ACSL3: variants seen among roughly 807,000 people sequenced by gnomAD.
ACSL3 encodes the protein acyl-CoA synthetase long chain family member 3.
In ACSL3, 34 loss-of-function variants were observed where a neutral mutation model predicts 84.7. The observed-to-expected ratio is 0.40, with a 90% CI of 0.31 to 0.53. The LOEUF (loss-of-function observed/expected upper bound fraction) is 0.53, where lower values mean the gene tolerates loss of function less well. Among genes scored for constraint, ACSL3 ranks in the 20% least tolerant of loss-of-function variants. The pLI is 0.48. For synonymous variants in ACSL3, 315 were observed against 299.4 expected, an observed-to-expected ratio of 1.05 and a Z score of -0.54; for missense variants, 680 against 873.1, an observed-to-expected ratio of 0.78 and a Z score of 2.79.
At position 222,943,402 on chromosome 2, in the gene ACSL3, GAA is replaced by G. The variant is rs1463880248; in HGVS notation, c.*1749_*1750del. 2 of 181,202 alleles carry G rather than the reference GAA, an allele frequency of 1.1e-5. No homozygotes were observed. Among genetic ancestry groups the G allele is most frequent in the Non-Finnish European group, 2.4e-5 (2 of 84,964 alleles). The allele number at this position is 181,202 out of a possible 1,614,324, so 11.2% of individuals were successfully genotyped here. ...AAAATTAAATCTCAGTGGGCGGAGA[GAA>G]TTTGTTTCTGATGCCTTGTCTTTAG... On this transcript the variant is annotated 3_prime_UTR_variant, in exon 17 of 17. Coordinates refer to ENST00000357430, the MANE Select transcript of ACSL3 (RefSeq NM_004457.5).
At chr2:222,866,083 C>T (rs1695130602) in intron 1 of ACSL3, among the ~76,000 whole-genome samples, 1 of 152,050 alleles carries the variant, frequency 6.6e-6, no homozygotes. Context: ...GGATAATAGC[C>T]AACACCTTTA....
At chr2:222,865,186 C>T (rs1695105638) in intron 1 of ACSL3, among the ~76,000 whole-genome samples, 1 of 152,186 alleles carries the variant, frequency 6.6e-6, no homozygotes, top group African/African-American at 2.4e-5. Flanking sequence ...GTTTTCCTGA[C>T]ATCATAGGTG....
intron 1 of ACSL3, among the ~76,000 whole-genome samples, chr2:222,876,514 C>T (rs1325960890): frequency 2.0e-5 from 3 of 151,948 alleles, no homozygotes; most frequent in African/African-American, 7.2e-5. Context: ...TTTGTAGACA[C>T]TAGATCTATT....
chr2:222,924,469 G>T lies in ACSL3; in HGVS notation c.1166G>T (p.Arg389Leu). ...TTATACATTTAGGAAATCATGGATC[G>T]GATCTACAAAAATGTCATGAATAAA... ...LMAAVPEIMD[R>L]IYKNVMNKVS... Residue 389 changes from arginine (R) to leucine (L), a missense_variant, in exon 11 of 17, where the codon CGG becomes CTG. By Grantham distance (102) the Arg-to-Leu change is moderately radical. This residue lies in a region of ACSL3 where 347 missense variants were observed against 525.7 expected (regional missense o/e 0.66). Coordinates refer to ENST00000357430, the MANE Select transcript of ACSL3 (RefSeq NM_004457.5). 2 of 1,602,534 alleles carry T rather than the reference G, an allele frequency of 1.2e-6. No individual in the cohort carries two copies. The highest frequency in any genetic ancestry group is 1.1e-5 in the South Asian group (1 of 87,648).
At chr2:222,914,237 G>A (rs1370730268) in intron 4 of ACSL3, among the ~76,000 whole-genome samples, 3 of 10,896 alleles carry the variant, frequency 2.8e-4, no homozygotes, top group South Asian at 0.018. Flanking sequence ...GTGTGTACGT[G>A]TGTGTGTGTG....
chr2:222,922,807 T>C lies in ACSL3; in HGVS notation c.1056T>C (p.Ser352=). The change falls in exon 9 of 17, where the codon TCT becomes TCC. Residue 352 remains serine, a synonymous_variant. Transcript: ENST00000357430. ...CLSHGCRIGY[S]SPQTLADQSS... is the part of the protein sequence containing the mutation. ...CTCACGGATGCCGCATTGGTTACTC[T>C]TCACCACAGACTTTAGCAGATCAGG... 6.2e-7 allele frequency: 1 copy of C among 1,614,198 alleles called. No homozygotes were observed. The highest frequency in any genetic ancestry group is 8.5e-7 in the Non-Finnish European group (1 of 1,180,006).
intron 3 of ACSL3, among the ~76,000 whole-genome samples, chr2:222,901,964 A>AAAAAG (rs57522671): frequency 0.058 from 5,752 of 98,986 alleles, 516 homozygotes; most frequent in Middle Eastern, 0.11. Context: ...AAAAAAAAAA[A>AAAAAG]GAACTCAAAT....
chr2:222,926,941 TG>T, intron 11 of ACSL3, 75 bp from the exon 12 acceptor site: 1 of 1,485,360 alleles, frequency 6.7e-7, no homozygotes, highest in South Asian at 1.3e-5. Flanking sequence ...ATATCAAAAC[TG>T]GGGGATTAGT....
chr2:222,932,199 G>C (rs540127457), intron 14 of ACSL3, among the ~76,000 whole-genome samples: 1 of 152,346 alleles, frequency 6.6e-6, no homozygotes, highest in East Asian at 1.9e-4. Flanking sequence ...CAGATAGGTT[G>C]TGAACTTGCA....
At chr2:222,920,854 T>C (rs1361301248) in intron 7 of ACSL3, 2 of 398,118 alleles carry the variant, frequency 5.0e-6, no homozygotes, top group Admixed American at 3.2e-5. Context: ...TCTTTAGATA[T>C]GCTGAGCACA....
rs182512709 is a variant in ACSL3, at chr2:222,909,293, A to G, written c.378+143A>G. The G allele has an allele frequency of 3.1e-5, 25 of 799,992 alleles. 1 individual carries two copies. Among genetic ancestry groups the G allele is most frequent in the South Asian group, 1.6e-4 (9 of 54,810 alleles). The allele number at this position is 799,992 out of a possible 1,614,324, so 49.6% of individuals were successfully genotyped here. On this transcript the variant is annotated intron_variant, in intron 4 of 16. Transcript: ENST00000357430. ...TAGGAAGGGGGCTAGACTACCTTCTAATTTCTTCCTGTACTTACCAGCACT... is the reference window on the plus strand; with the variant it reads ...TAGGAAGGGGGCTAGACTACCTTCTGATTTCTTCCTGTACTTACCAGCACT...
At chr2:222,890,479 AGCT>A (rs1695817300) in intron 2 of ACSL3, among the ~76,000 whole-genome samples, 1 of 152,202 alleles carries the variant, frequency 6.6e-6, no homozygotes, top group African/African-American at 2.4e-5. Flanking sequence ...TAACCGGAAG[AGCT>A]GTCTTCTCTC....
At chr2:222,913,625 C>T (rs150926360) in intron 4 of ACSL3, among the ~76,000 whole-genome samples, 53 of 152,256 alleles carry the variant, frequency 3.5e-4, no homozygotes, top group African/African-American at 1.2e-3. Flanking sequence ...CACTCACACA[C>T]AGCATAAAAA....
intron 6 of ACSL3, among the ~76,000 whole-genome samples, chr2:222,918,672 G>C (rs915201420): frequency 6.8e-6 from 1 of 146,044 alleles, no homozygotes; most frequent in Non-Finnish European, 1.5e-5. Flanking sequence ...TGTTCAAAAA[G>C]AAAATTTTGA....
chr2:222,888,891 A>C (rs1695780566), intron 2 of ACSL3, among the ~76,000 whole-genome samples: 1 of 152,196 alleles, frequency 6.6e-6, no homozygotes, highest in Non-Finnish European at 1.5e-5. Flanking sequence ...TGTTTTAGAC[A>C]TGTCTGTGCC....
Position 222,909,156 on chromosome 2 carries a change from A to G in ACSL3, c.378+6A>G, listed in dbSNP as rs1390392876. 7 of 1,591,684 alleles carry G rather than the reference A, an allele frequency of 4.4e-6. No homozygotes were observed. The highest frequency in any genetic ancestry group is 6.0e-6 in the Non-Finnish European group (7 of 1,173,992). On this transcript the variant is annotated splice_donor_region_variant and intron_variant, in intron 4 of 16. Coordinates refer to ENST00000357430, the MANE Select transcript of ACSL3 (RefSeq NM_004457.5). ...ATGGAAAAATTTTTAAAAAGGTAAG[A>G]TGATCTTTCATTGCCTTTGAATTCT...
At chr2:222,872,602 G>T (rs1462394224) in intron 1 of ACSL3, among the ~76,000 whole-genome samples, 1 of 152,054 alleles carries the variant, frequency 6.6e-6, no homozygotes, top group Non-Finnish European at 1.5e-5. Flanking sequence ...GCCCTTCCCT[G>T]GTGCATAGAG....
chr2:222,906,829 G>A (rs1378413809), intron 3 of ACSL3, among the ~76,000 whole-genome samples: 2 of 152,136 alleles, frequency 1.3e-5, no homozygotes, highest in Non-Finnish European at 2.9e-5. Flanking sequence ...TGGCCAGGAT[G>A]GTCTCGATCT....
intron 1 of ACSL3, among the ~76,000 whole-genome samples, chr2:222,867,848 T>G (rs1191011374): frequency 6.6e-6 from 1 of 152,152 alleles, no homozygotes; most frequent in South Asian, 2.1e-4. Flanking sequence ...TGTCTCGGCC[T>G]TCCTCTAATC....
Sources: allele counts gnomAD v4.1 joint callset (sites outside exome capture counted in the v4.1 genomes callset), GRCh38; gene constraint gnomAD v4.1.1; regional missense constraint gnomAD v4.1.1; transcripts MANE v1.5; gene names NCBI Gene and HGNC (gene_info 2026-07-23, HGNC 2026-07-21).